CAMTA1: variants seen among roughly 807,000 people sequenced by gnomAD.
CAMTA1 encodes the protein calmodulin binding transcription activator 1.
Under a neutral mutation model 170.9 loss-of-function variants are expected in CAMTA1, and 27 were observed. That is an observed-to-expected ratio of 0.16 (90% CI 0.12 to 0.22). The LOEUF (loss-of-function observed/expected upper bound fraction) is 0.22. CAMTA1 is among the 10% of genes least tolerant of loss of function. The pLI is 1.00. For missense variants in CAMTA1, 1,619 were observed against 2,217.2 expected (o/e 0.73, Z 5.42); for synonymous variants, 833 against 891.5 (o/e 0.93, Z 1.17).
At chr1:7,024,427 G>A (rs1005586758) in intron 3 of CAMTA1, among the ~76,000 whole-genome samples, 3 of 152,136 alleles carry the variant, frequency 2.0e-5, no homozygotes, top group Admixed American at 6.5e-5. Context: ...TATAAAATGG[G>A]GAAAATGCAA....
At chr1:7,207,364 T>G (rs1012172823) in intron 4 of CAMTA1, among the ~76,000 whole-genome samples, 4 of 152,232 alleles carry the variant, frequency 2.6e-5, no homozygotes, top group African/African-American at 9.6e-5. Flanking sequence ...CAGGGAGGTC[T>G]GTAGAAAATG....
chr1:7,192,341 T>C (rs1654690187), intron 4 of CAMTA1, among the ~76,000 whole-genome samples: 1 of 152,190 alleles, frequency 6.6e-6, no homozygotes, highest in South Asian at 2.1e-4. Flanking sequence ...CGCTTGGCCT[T>C]TGGTTGGGAT....
intron 4 of CAMTA1, among the ~76,000 whole-genome samples, chr1:7,153,167 C>G (rs1646673674): frequency 6.6e-6 from 1 of 152,124 alleles, no homozygotes; most frequent in South Asian, 2.1e-4. Flanking sequence ...TCTTCTGTCT[C>G]TTGCAGTGTT....
At chr1:7,346,678 A>C (rs1469610336) in intron 5 of CAMTA1, among the ~76,000 whole-genome samples, 1 of 152,182 alleles carries the variant, frequency 6.6e-6, no homozygotes, top group Non-Finnish European at 1.5e-5. Context: ...GGGTAGGCTT[A>C]ATCTAAGGGG....
At chr1:7,626,040 T>C (rs1268493991) in intron 6 of CAMTA1, among the ~76,000 whole-genome samples, 1 of 152,216 alleles carries the variant, frequency 6.6e-6, no homozygotes, top group Non-Finnish European at 1.5e-5. Context: ...TAACCCCCAG[T>C]CACTCCTTCA....
In CAMTA1 at chr1:7,763,523, T is replaced by A. The variant is rs558136348; in HGVS notation, c.4990-2936T>A. Among the ~76,000 whole-genome samples the A allele has an allele frequency of 7.2e-5, 11 of 152,312 alleles. No homozygotes were observed. The East Asian group carries it at 1.9e-3, about 27-fold the overall frequency. ...TGAGGCCATCACTAATTTCATAGAGTATTTACTTGACAACTTTAAAACCTT... is the reference window on the plus strand; with the variant it reads ...TGAGGCCATCACTAATTTCATAGAGAATTTACTTGACAACTTTAAAACCTT... On this transcript the variant is annotated intron_variant, in intron 22 of 22. Coordinates refer to ENST00000303635, the MANE Select transcript of CAMTA1 (RefSeq NM_015215.4).
At chr1:7,207,781 C>G (rs891770958) in intron 4 of CAMTA1, among the ~76,000 whole-genome samples, 15 of 152,272 alleles carry the variant, frequency 9.9e-5, no homozygotes, top group African/African-American at 3.6e-4. Flanking sequence ...CTGCCTTTAT[C>G]TCCCCAGTCT....
At chr1:6,842,184 G>T (rs890671076) in intron 3 of CAMTA1, among the ~76,000 whole-genome samples, 20 of 152,206 alleles carry the variant, frequency 1.3e-4, no homozygotes, top group Admixed American at 1.3e-3. Context: ...TCCACAACAT[G>T]CTCACAGAGG....
Position 7,664,602 on chromosome 1 carries a change from G to A in CAMTA1, c.2055G>A (p.Thr685=), listed in dbSNP as rs777218778. The A allele has an allele frequency of 2.1e-5, 34 of 1,611,840 alleles. No homozygotes were observed. The East Asian group carries it at 3.1e-4, about 15-fold the overall frequency. ...TCCAGGCCAACTTCCAGGCCATGAC[G>A]GCAGAAGGGGAGGTCACCATGGAGA... is the stretch of plus-strand genomic sequence containing the variant. The part of the protein sequence containing the change: ...MQFQANFQAM[T]AEGEVTMETS... The change falls in exon 9 of 23, where the codon ACG becomes ACA. Residue 685 remains threonine, a synonymous_variant. Transcript: ENST00000303635.
At chr1:7,440,790 T>A (rs938375914) in intron 5 of CAMTA1, among the ~76,000 whole-genome samples, 5 of 152,326 alleles carry the variant, frequency 3.3e-5, no homozygotes, top group African/African-American at 1.2e-4. Context: ...CCAAGCGACA[T>A]CAGCTCTGCA....
intron 6 of CAMTA1, among the ~76,000 whole-genome samples, chr1:7,489,458 C>T (rs1314722031): frequency 1.3e-5 from 2 of 152,104 alleles, no homozygotes; most frequent in Non-Finnish European, 2.9e-5. Context: ...CTGGGGCTCC[C>T]GGCGAGCCTC....
chr1:7,133,819 C>A (rs1359990541), intron 4 of CAMTA1, among the ~76,000 whole-genome samples: 1 of 152,178 alleles, frequency 6.6e-6, no homozygotes, highest in East Asian at 1.9e-4. Flanking sequence ...TTCTCTCTCA[C>A]ACTTTTTGTT....
chr1:7,560,744 C>T (rs1363735392), intron 6 of CAMTA1, among the ~76,000 whole-genome samples: 1 of 152,154 alleles, frequency 6.6e-6, no homozygotes, highest in East Asian at 1.9e-4. Flanking sequence ...GCTCATGCGA[C>T]TGCCTAGGAC....
At chr1:7,263,829 G>T (rs987542506) in intron 5 of CAMTA1, among the ~76,000 whole-genome samples, 4 of 152,194 alleles carry the variant, frequency 2.6e-5, no homozygotes, top group Admixed American at 2.6e-4. Context: ...ATGTTAGTGA[G>T]CATTTAGGCA....
At chr1:7,326,885 G>A (rs1022790504) in intron 5 of CAMTA1, among the ~76,000 whole-genome samples, 2 of 152,132 alleles carry the variant, frequency 1.3e-5, no homozygotes, top group Admixed American at 1.3e-4. Flanking sequence ...GACATAGGAG[G>A]TCCAGGAAAG....
chr1:7,225,434 C>T (rs1037906939), intron 4 of CAMTA1, among the ~76,000 whole-genome samples: 26 of 152,308 alleles, frequency 1.7e-4, no homozygotes, highest in African/African-American at 6.0e-4. Flanking sequence ...CCCTTTCCCT[C>T]CCCACCAACA....
intron 11 of CAMTA1, among the ~76,000 whole-genome samples, chr1:7,684,086 C>T (rs2096237806): frequency 6.6e-6 from 1 of 152,224 alleles, no homozygotes; most frequent in African/African-American, 2.4e-5. Context: ...TGGGTCCCAT[C>T]CGGCCTCCTT....
intron 5 of CAMTA1, among the ~76,000 whole-genome samples, chr1:7,423,707 T>A (rs1244408738): frequency 1.3e-5 from 2 of 152,076 alleles, no homozygotes; most frequent in East Asian, 1.9e-4. Flanking sequence ...ACGACTTCCC[T>A]TGCTTACCTC....
At chr1:7,523,648 A>G (rs3118493) in intron 6 of CAMTA1, among the ~76,000 whole-genome samples, 117,790 of 150,936 alleles carry the variant, frequency 0.78, 46,115 homozygotes, top group African/African-American at 0.86. Flanking sequence ...GGAGGCTGAG[A>G]CAGGCGGATC....
Sources: gnomAD v4.1 joint callset for allele counts (sites outside exome capture counted in the v4.1 genomes callset) on GRCh38, gnomAD v4.1.1 for gene constraint, MANE v1.5 for transcripts, NCBI Gene and HGNC (gene_info 2026-07-23, HGNC 2026-07-21) for gene names.